Variants in ABCC4 observed in about 807,000 individuals in gnomAD.
The protein encoded by ABCC4 is ATP binding cassette subfamily C member 4 (PEL blood group).
Under a neutral mutation model 168.5 loss-of-function variants are expected in ABCC4, and 102 were observed. The ratio of observed to expected loss-of-function variants is 0.61; its 90% CI spans 0.52 to 0.71. The LOEUF is 0.71. Among genes scored for constraint, ABCC4 ranks in the 30% least tolerant of loss-of-function variants. The pLI is 0.00. For missense variants in ABCC4, 1,402 were observed against 1,605.8 expected (o/e 0.87, Z 2.17); for synonymous variants, 617 against 590.7 (o/e 1.04, Z -0.65).
chr13:95,128,839 A>C (rs1329705122), intron 19 of ABCC4, among the ~76,000 whole-genome samples: 1 of 152,200 alleles, frequency 6.6e-6, no homozygotes, highest in Non-Finnish European at 1.5e-5. Context: ...ATGAAAACCT[A>C]GAGATCCATT....
intron 29 of ABCC4, among the ~76,000 whole-genome samples, chr13:95,040,544 T>C (rs1444328158): frequency 6.6e-6 from 1 of 152,210 alleles, no homozygotes; most frequent in Non-Finnish European, 1.5e-5. Context: ...CCCCAGTTTG[T>C]GCTTTCTACC....
At chr13:95,103,583 G>C (rs1175513621) in intron 20 of ABCC4, among the ~76,000 whole-genome samples, 2 of 152,156 alleles carry the variant, frequency 1.3e-5, no homozygotes, top group Admixed American at 1.3e-4. Context: ...TGAGGGGATC[G>C]ACTATCCTGC....
chr13:95,163,575 G>T (rs1490073411), intron 17 of ABCC4, 35 bp downstream of exon 17: 5 of 1,576,358 alleles, frequency 3.2e-6, no homozygotes, highest in Admixed American at 1.7e-5. Flanking sequence ...TACTGATTTT[G>T]GAGTATTTCA....
chr13:95,164,621 TC>T, intron 15 of ABCC4, 103 bp from the exon 16 acceptor site: 1 of 1,199,738 alleles, frequency 8.3e-7, no homozygotes, highest in Non-Finnish European at 1.2e-6. Flanking sequence ...CAGGCAGAAG[TC>T]CAAAATGATC....
chr13:95,198,888 C>T (rs2038538503), intron 8 of ABCC4, among the ~76,000 whole-genome samples: 1 of 152,094 alleles, frequency 6.6e-6, no homozygotes. Flanking sequence ...TGTTCTCACT[C>T]ATAAGTGAGA....
intron 22 of ABCC4, among the ~76,000 whole-genome samples, chr13:95,074,845 A>C (rs767667399): frequency 6.6e-6 from 1 of 152,106 alleles, no homozygotes; most frequent in Non-Finnish European, 1.5e-5. Context: ...TCCTTTTAGC[A>C]TGTGGTTTTT....
At chr13:95,192,407 G>A (rs1466507037) in intron 9 of ABCC4, among the ~76,000 whole-genome samples, 1 of 152,186 alleles carries the variant, frequency 6.6e-6, no homozygotes, top group African/African-American at 2.4e-5. Flanking sequence ...ACAGGATGGA[G>A]TGTTCTGTTT....
intron 1 of ABCC4, among the ~76,000 whole-genome samples, chr13:95,300,853 C>T (rs2041656722): frequency 6.6e-6 from 1 of 152,234 alleles, no homozygotes; most frequent in Non-Finnish European, 1.5e-5. Flanking sequence ...CGGGAGCCAG[C>T]GAAGGGTGGG....
chr13:95,206,371 A>G (rs1163305450), intron 8 of ABCC4, among the ~76,000 whole-genome samples, 161 bp downstream of exon 8: 1 of 152,184 alleles, frequency 6.6e-6, no homozygotes, highest in Admixed American at 6.5e-5. Context: ...ACCGCGCTCT[A>G]TCTAAGATAG....
In ABCC4 at chr13:95,043,281, C is replaced by T. The variant is rs187121280; in HGVS notation, c.3735+401G>A. The T allele has an allele frequency of 9.0e-4, 144 of 160,100 alleles. 1 individual carries two copies. The highest frequency in any genetic ancestry group is 1.5e-4 in the Non-Finnish European group (11 of 73,184). 9.9% of individuals were successfully genotyped at this position (160,100 alleles called of 1,614,324 possible). On this transcript the variant is annotated intron_variant, in intron 29 of 30. Transcript: ENST00000645237. ...ACAGCATAGAAGTTCTGCAACCTTA[C>T]CCAACAAGCCCCTTGCAGTATATAA...
At chr13:95,092,968 T>C (rs962294575) in intron 20 of ABCC4, among the ~76,000 whole-genome samples, 2 of 151,752 alleles carry the variant, frequency 1.3e-5, no homozygotes, top group African/African-American at 4.8e-5. Flanking sequence ...CCTGGAAAAA[T>C]ACAACCCTCC....
chr13:95,239,104 A>G (rs2039856989), intron 3 of ABCC4, among the ~76,000 whole-genome samples: 1 of 152,204 alleles, frequency 6.6e-6, no homozygotes, highest in Admixed American at 6.5e-5. Context: ...CTGTAAAAAA[A>G]AATAGTTTGA....
At chr13:95,281,611 A>T (rs2041127990) in intron 1 of ABCC4, among the ~76,000 whole-genome samples, 1 of 152,184 alleles carries the variant, frequency 6.6e-6, no homozygotes, top group Non-Finnish European at 1.5e-5. Flanking sequence ...AACCCAAGAA[A>T]TATGAGGAAA....
chr13:95,259,856 GAAAAA>G (rs11345832), intron 1 of ABCC4, among the ~76,000 whole-genome samples: 2 of 140,980 alleles, frequency 1.4e-5, no homozygotes, highest in East Asian at 4.1e-4. Context: ...GTAGTGTGGG[GAAAAA>G]AAAAAAAAAA....
At chr13:95,217,224 T>C (rs1323436603) in intron 4 of ABCC4, among the ~76,000 whole-genome samples, 1 of 152,220 alleles carries the variant, frequency 6.6e-6, no homozygotes, top group Non-Finnish European at 1.5e-5. Flanking sequence ...CTAGCTTCAT[T>C]TGAAAAATAT....
intron 9 of ABCC4, among the ~76,000 whole-genome samples, chr13:95,189,074 G>A (rs1191042101): frequency 1.5e-5 from 2 of 136,406 alleles, no homozygotes; most frequent in Non-Finnish European, 3.1e-5. Context: ...AGCCCCGTAT[G>A]TGTAATGTTC....
chr13:95,265,833 C>A (rs2040654276), intron 1 of ABCC4, among the ~76,000 whole-genome samples: 1 of 151,960 alleles, frequency 6.6e-6, no homozygotes, highest in Admixed American at 6.6e-5. Context: ...TATGTCTTAG[C>A]ATGAAAATTA....
intron 1 of ABCC4, among the ~76,000 whole-genome samples, chr13:95,286,354 A>G (rs985991543): frequency 1.3e-5 from 2 of 151,870 alleles, no homozygotes; most frequent in African/African-American, 4.8e-5. Flanking sequence ...TCCTGACCTC[A>G]GGTGATCCGC....
At chr13:95,172,668 C>T (rs1282248995) in intron 13 of ABCC4, among the ~76,000 whole-genome samples, 1 of 151,760 alleles carries the variant, frequency 6.6e-6, no homozygotes, top group African/African-American at 2.4e-5. Flanking sequence ...CAGTGGCTCA[C>T]ACCTATAATC....
Sources: gnomAD v4.1 joint callset for allele counts (sites outside exome capture counted in the v4.1 genomes callset) on GRCh38, gnomAD v4.1.1 for gene constraint, MANE v1.5 for transcripts, NCBI Gene and HGNC (gene_info 2026-07-23, HGNC 2026-07-21) for gene names.